MAGI2: variants seen among roughly 807,000 people sequenced by gnomAD.
The protein encoded by MAGI2 is membrane-associated guanylate kinase, WW and PDZ domain-containing protein 2.
In MAGI2, 35 loss-of-function variants were observed where a neutral mutation model predicts 133.3. That is an observed-to-expected ratio of 0.26 (90% CI 0.20 to 0.35). The LOEUF (loss-of-function observed/expected upper bound fraction) is 0.35. Ranked by LOEUF, MAGI2 falls within the 10% of genes least tolerant of loss-of-function variation. The probability of loss-of-function intolerance (pLI) is 1.00; values close to 1 mark genes in which losing one functional copy is unlikely to be tolerated. For synonymous variants in MAGI2, 729 were observed against 710.6 expected (o/e 1.03, Z -0.41); for missense variants, 1,636 against 1,863.4 (o/e 0.88, Z 2.25).
chr7:78,430,793 G>T (rs1476875329), intron 6 of MAGI2, among the ~76,000 whole-genome samples: 2 of 152,044 alleles, frequency 1.3e-5, no homozygotes, highest in Non-Finnish European at 2.9e-5. Context: ...CTTCGAGTTT[G>T]CTGTGAAAAT....
At chr7:78,784,736 G>C (rs1312249820) in intron 2 of MAGI2, among the ~76,000 whole-genome samples, 1 of 152,154 alleles carries the variant, frequency 6.6e-6, no homozygotes, top group African/African-American at 2.4e-5. Flanking sequence ...TGAAGACTAA[G>C]CATAAAAATG....
At chr7:78,340,268 TAA>T (rs1163396750) in intron 9 of MAGI2, among the ~76,000 whole-genome samples, 1 of 136,836 alleles carries the variant, frequency 7.3e-6, no homozygotes, top group Non-Finnish European at 1.6e-5. Context: ...CTAAGGAATT[TAA>T]AAATTACACT....
intron 1 of MAGI2, among the ~76,000 whole-genome samples, chr7:79,194,975 T>A (rs1827956606): frequency 6.6e-6 from 1 of 151,998 alleles, no homozygotes; most frequent in African/African-American, 2.4e-5. Flanking sequence ...ATGCCCAAAG[T>A]TCATTTAGGA....
intron 2 of MAGI2, among the ~76,000 whole-genome samples, chr7:78,896,415 GGTAAAGCTCCTCATT>G (rs1797217296): frequency 6.6e-6 from 1 of 151,662 alleles, no homozygotes; most frequent in African/African-American, 2.4e-5. Context: ...CGCTTAAACA[GGTAAAGCTCCTCATT>G]GTAAAATAAT....
intron 2 of MAGI2, among the ~76,000 whole-genome samples, chr7:78,883,861 G>C (rs969599223): frequency 1.3e-5 from 2 of 152,032 alleles, no homozygotes; most frequent in Admixed American, 6.6e-5. Context: ...AATTGAAGAT[G>C]GATTAAAGAT....
At chr7:78,401,660 T>C (rs1264968106) in intron 6 of MAGI2, among the ~76,000 whole-genome samples, 1 of 152,174 alleles carries the variant, frequency 6.6e-6, no homozygotes. Context: ...TTTATCCATG[T>C]GCTTATAGTT....
intron 3 of MAGI2, among the ~76,000 whole-genome samples, chr7:78,550,037 C>G (rs566487351): frequency 6.6e-6 from 1 of 152,258 alleles, no homozygotes; most frequent in East Asian, 1.9e-4. Flanking sequence ...AGGCCCAAGT[C>G]AGCTCCTTTG....
chr7:78,237,738 C>A (rs1790701311), intron 10 of MAGI2, among the ~76,000 whole-genome samples: 2 of 151,806 alleles, frequency 1.3e-5, no homozygotes, highest in Non-Finnish European at 1.5e-5. Flanking sequence ...TAAAGATCAC[C>A]CAGGATAATA....
intron 6 of MAGI2, among the ~76,000 whole-genome samples, chr7:78,389,482 A>C (rs1795703417): frequency 6.6e-6 from 1 of 152,166 alleles, no homozygotes; most frequent in South Asian, 2.1e-4. Context: ...GGTGCTCAAC[A>C]CGGACAAGTG....
At chr7:78,665,722 A>T (rs888671232) in intron 2 of MAGI2, among the ~76,000 whole-genome samples, 1 of 152,152 alleles carries the variant, frequency 6.6e-6, no homozygotes, top group African/African-American at 2.4e-5. Flanking sequence ...GAAACCATAT[A>T]TCTAGGATAA....
chr7:78,838,323 A>G (rs1791833944), intron 2 of MAGI2, among the ~76,000 whole-genome samples: 3 of 152,094 alleles, frequency 2.0e-5, no homozygotes, highest in African/African-American at 7.2e-5. Flanking sequence ...CCTTCATCAC[A>G]GAATCATCTA....
Position 78,499,035 on chromosome 7 carries a change from G to T in MAGI2, c.965+2542C>A, listed in dbSNP as rs925364686. ...CAGTCCTTCCCTCCAACATTAGGAA[G>T]ATTAAAAAACTACAAACTCAAACAA... On this transcript the variant is annotated intron_variant, in intron 5 of 21. Transcript: ENST00000354212. Among the ~76,000 whole-genome samples, 18 of 143,000 alleles carry T rather than the reference G, an allele frequency of 1.3e-4. No homozygotes were observed. The South Asian group carries it at 1.6e-3, about 13-fold the overall frequency. The allele number at this position is 143,000 out of a possible 152,430, so 93.8% of individuals were successfully genotyped here. A position where few individuals can be genotyped will look rare whatever the true frequency, so the allele number is the denominator to read the frequency against.
chr7:79,399,515 A>G (rs1216901167), intron 1 of MAGI2, among the ~76,000 whole-genome samples: 2 of 152,090 alleles, frequency 1.3e-5, no homozygotes, highest in Non-Finnish European at 2.9e-5. Context: ...CTAGGAAAAG[A>G]TTAGGTACAA....
intron 1 of MAGI2, among the ~76,000 whole-genome samples, chr7:79,448,686 A>G (rs1849027636): frequency 6.6e-6 from 1 of 152,110 alleles, no homozygotes; most frequent in African/African-American, 2.4e-5. Flanking sequence ...CAGGGTCTGT[A>G]TGTATTTGAA....
intron 14 of MAGI2, among the ~76,000 whole-genome samples, chr7:78,168,383 C>T (rs1825819748): frequency 6.6e-6 from 1 of 152,160 alleles, no homozygotes; most frequent in Non-Finnish European, 1.5e-5. Flanking sequence ...GAAAGATGCC[C>T]TTTCAACTCT....
intron 9 of MAGI2, among the ~76,000 whole-genome samples, chr7:78,273,983 G>A (rs1368316467): frequency 2.0e-5 from 3 of 152,070 alleles, no homozygotes; most frequent in African/African-American, 2.4e-5. Context: ...CCTTGCTGGC[G>A]AGGAGTTGTG....
At chr7:78,857,486 C>A (rs1247963377) in intron 2 of MAGI2, among the ~76,000 whole-genome samples, 1 of 152,110 alleles carries the variant, frequency 6.6e-6, no homozygotes, top group Non-Finnish European at 1.5e-5. Context: ...TTGTTGAAGG[C>A]CTTTTCTGCA....
At chr7:79,423,205 T>C (rs1465722008) in intron 1 of MAGI2, among the ~76,000 whole-genome samples, 3 of 132,264 alleles carry the variant, frequency 2.3e-5, no homozygotes, top group African/African-American at 6.8e-5. Context: ...TATTTTGAAA[T>C]CGTTGTACAC....
At chr7:78,996,356 G>A (rs1206891769) in intron 2 of MAGI2, among the ~76,000 whole-genome samples, 1 of 152,160 alleles carries the variant, frequency 6.6e-6, no homozygotes, top group Non-Finnish European at 1.5e-5. Context: ...TCACTGAAGT[G>A]TTCTGAGATA....
Sources: allele counts gnomAD v4.1 joint callset (sites outside exome capture counted in the v4.1 genomes callset), GRCh38; gene constraint gnomAD v4.1.1; transcripts MANE v1.5; gene names NCBI Gene and HGNC (gene_info 2026-07-23, HGNC 2026-07-21).